ZNF311: variants seen among roughly 807,000 people sequenced by gnomAD.
ZNF311 encodes zinc finger protein 311.
Under a neutral mutation model 22.7 loss-of-function variants are expected in ZNF311, and 14 were observed. The observed-to-expected ratio is 0.62, with a 90% CI of 0.41 to 0.96. The LOEUF (loss-of-function observed/expected upper bound fraction) is 0.96. ZNF311 is among the 40% of genes least tolerant of loss of function. ZNF311 has a pLI of 0.00. For synonymous variants in ZNF311, 250 were observed against 275.3 expected (o/e 0.91, Z 0.91); for missense variants, 731 against 799.0 (o/e 0.91, Z 1.03).
At chr6:28,999,915 G>A in intron 4 of ZNF311, 41 bp downstream of exon 4, 1 of 1,581,074 alleles carries the variant, frequency 6.3e-7, no homozygotes, top group African/African-American at 1.3e-5. Context: ...TTTGGAGGTA[G>A]TGATGTATTT....
rs769685865 is a variant in ZNF311 at position 28,995,670 on chromosome 6, C to A, written c.1332G>T (p.Gly444=). The part of the protein sequence containing the change: ...KRIHTREKHY[G]CPQCGKDFSI... ...TGAAGTCTTTTCCACACTGGGGACACCCATAGTGTTTCTCCCGAGTATGGA... is the reference window on the plus strand; with the variant it reads ...TGAAGTCTTTTCCACACTGGGGACAACCATAGTGTTTCTCCCGAGTATGGA... Residue 444 remains glycine, a synonymous_variant, in exon 7 of 7, where the codon GGG becomes GGT. Coordinates refer to ENST00000377179, the MANE Select transcript of ZNF311 (RefSeq NM_001382360.1). This position sits in a 1 kb window ranked among gnomAD's most constrained non-coding sequence, Gnocchi z 4.7. The A allele has an allele frequency of 8.7e-6, 14 of 1,613,348 alleles. No individual in the cohort carries two copies. The highest frequency in any genetic ancestry group is 1.2e-5 in the Non-Finnish European group (14 of 1,180,026).
In ZNF311 at chr6:28,998,846, C is replaced by T. The variant is rs1780004361; in HGVS notation, c.311-8G>A. 2 of 1,604,338 alleles carry T rather than the reference C, an allele frequency of 1.2e-6. No individual in the cohort carries two copies. Among genetic ancestry groups the T allele is most frequent in the African/African-American group, 2.7e-5 (2 of 74,706 alleles). ...GTTTAGGAAATGGAAATCCTGGTTGCAGAGAAGAAATAAGTGTGTAGAGTA... is the reference window on the plus strand; with the variant it reads ...GTTTAGGAAATGGAAATCCTGGTTGTAGAGAAGAAATAAGTGTGTAGAGTA... On this transcript the variant is annotated splice_region_variant and splice_polypyrimidine_tract_variant and intron_variant, in intron 5 of 6. Transcript: ENST00000377179.
Position 29,004,074 on chromosome 6 carries a change from A to AAC in ZNF311, c.-122_-121dup, listed in dbSNP as rs1316370446. 1 of 1,606,608 alleles carries AAC rather than the reference A, an allele frequency of 6.2e-7. No individual in the cohort carries two copies. Among genetic ancestry groups the AAC allele is most frequent in the East Asian group, 2.2e-5 (1 of 44,866 alleles). ...CAGTTGATGCCAGCCTCCTTTGGAG[A>AAC]ACACATGTTTTGGTGGTGCCAGCCA... On this transcript the variant is annotated 5_prime_UTR_variant, in exon 2 of 7. It removes the in-frame stop codon of an upstream open reading frame in the 5' UTR. Transcript: ENST00000377179.
chr6:28,995,534 C>G lies in ZNF311; in HGVS notation c.1468G>C (p.Glu490Gln). Residue 490 changes from glutamate to glutamine, a missense_variant, in exon 7 of 7, where the codon GAA becomes CAA. Glu to Gln is a conservative substitution (Grantham distance 29). Transcript: ENST00000377179. This position sits in a 1 kb window ranked among gnomAD's most constrained non-coding sequence, Gnocchi z 4.7. ...FRHNCKRRAH[E>Q]REHTGEKPYQ... Reference sequence around the variant, plus strand: ...GGCTTCTCCCCTGTATGCTCTCGTTCATGAGCCCTGCGCTTACAGTTATGA... The same window carrying G: ...GGCTTCTCCCCTGTATGCTCTCGTTGATGAGCCCTGCGCTTACAGTTATGA... 6.2e-7 allele frequency: 1 copy of G among 1,613,706 alleles called. No individual in the cohort carries two copies. The highest frequency in any genetic ancestry group is 8.5e-7 in the Non-Finnish European group (1 of 1,179,988).
Position 28,995,722 on chromosome 6 carries a change from C to T in ZNF311, c.1280G>A (p.Ser427Asn), listed in dbSNP as rs1245084175. Residue 427 changes from serine to asparagine, a missense_variant, in exon 7 of 7, where the codon AGC becomes AAC. By Grantham distance (46) the Ser-to-Asn change is conservative. Transcript: ENST00000377179. The surrounding 1 kb of genome is among the most constrained non-coding windows in gnomAD (Gnocchi z 4.7). ...TCGTTTGTGTTTGCTTAGGTCTGAG[C>T]TCCGACTGAAGGCCCTTCCACACTT... ...CSKCGRAFSRSSDLSKHKRIH... is the reference protein window; with the variant it reads ...CSKCGRAFSRNSDLSKHKRIH... 1.2e-6 allele frequency: 2 copies of T among 1,613,734 alleles called. No homozygotes were observed. The highest frequency in any genetic ancestry group is 1.1e-5 in the South Asian group (1 of 91,074).
chr6:29,004,106 C>T lies in ZNF311; in HGVS notation c.-152G>A, dbSNP rs1780841023. ...GTTTTGGTGGTGCCAGCCAAAGGGC[C>T]CTTCTTGACCCACAGTGCCGCTACT... On this transcript the variant is annotated 5_prime_UTR_variant, in exon 2 of 7. Coordinates refer to ENST00000377179, the MANE Select transcript of ZNF311 (RefSeq NM_001382360.1). The T allele has an allele frequency of 6.4e-7, 1 of 1,567,768 alleles. No individual in the cohort carries two copies. The highest frequency in any genetic ancestry group is 1.4e-5 in the African/African-American group (1 of 73,940).
Position 28,995,012 on chromosome 6 carries a change from T to G in ZNF311, c.1990A>C (p.Thr664Pro). The G allele has an allele frequency of 6.2e-7, 1 of 1,606,210 alleles. No individual in the cohort carries two copies. Among genetic ancestry groups the G allele is most frequent in the African/African-American group, 1.3e-5 (1 of 74,804 alleles). The part of the protein sequence containing the change: ...VSQTSVVSIL[T>P]SA ...CAGAATCGTTATACTCAGGCACTGG[T>G]CAAAATACTGACTACTGAGGTCTGA... The change falls in exon 7 of 7, where the codon ACC (threonine) becomes CCC (proline). Residue 664 changes from threonine (T) to proline (P), a missense_variant. Physicochemically the swap from Thr to Pro is conservative, Grantham distance 38 (BLOSUM62 -1). Transcript: ENST00000377179. The surrounding 1 kb of genome is among the most constrained non-coding windows in gnomAD (Gnocchi z 4.7).
rs770308573 is a variant in ZNF311, at chr6:28,999,569, CCT to C, written c.226_227del (p.Arg76GlyfsTer14). ...FEDVAVNFTN[R>X]EWQCLTYAQR... ...GAGCGTAGGTCAGACACTGCCACTC[CCT>C]GTTAGTGAAGTTCACAGCTACATCC... is the stretch of plus-strand genomic sequence containing the variant. On this transcript the variant is annotated frameshift_variant, in exon 5 of 7. Coordinates refer to ENST00000377179, the MANE Select transcript of ZNF311 (RefSeq NM_001382360.1). LOFTEE classifies it high-confidence loss of function. The C allele has an allele frequency of 1.1e-5, 17 of 1,613,466 alleles. No homozygotes were observed. The highest frequency in any genetic ancestry group is 1.6e-4 in the Middle Eastern group (1 of 6,084).
At chr6:28,997,727 G>T (rs902265718) in intron 6 of ZNF311, among the ~76,000 whole-genome samples, 1 of 152,192 alleles carries the variant, frequency 6.6e-6, no homozygotes, top group Admixed American at 6.5e-5. Context: ...TGGCTCTAGA[G>T]TGAGACTGCC....
upstream of ZNF311, among the ~76,000 whole-genome samples, chr6:29,005,515 A>T (rs1781078788): frequency 6.6e-6 from 1 of 150,890 alleles, no homozygotes. Flanking sequence ...GCGGCACCGG[A>T]CTCCTCTCCT....
intron 5 of ZNF311, 59 bp from the exon 6 acceptor site, chr6:28,998,897 T>A: frequency 8.2e-7 from 1 of 1,217,878 alleles, no homozygotes; most frequent in East Asian, 2.4e-5. Flanking sequence ...ACTTATAACT[T>A]AGCTAAGCAG....
rs1424813411 is a variant in ZNF311, at chr6:28,995,916, G to C, written c.1086C>G (p.Asn362Lys). The C allele has an allele frequency of 6.2e-7, 1 of 1,613,756 alleles. No homozygotes were observed. The highest frequency in any genetic ancestry group is 8.5e-7 in the Non-Finnish European group (1 of 1,179,972). Residue 362 changes from asparagine to lysine, a missense_variant, in exon 7 of 7, where the codon AAC becomes AAG. Physicochemically the swap from Asn to Lys is moderately conservative, Grantham distance 94. Coordinates refer to ENST00000377179, the MANE Select transcript of ZNF311 (RefSeq NM_001382360.1). This position sits in a 1 kb window ranked among gnomAD's most constrained non-coding sequence, Gnocchi z 4.7. ...TAAACTGGAAGGCCTTCCCACAGCA[G>C]TTACATTTGTAAGGCTTCTCCCCGG... ...IHTGEKPYKC[N>K]CCGKAFQFKH...
At chr6:28,998,264 G>C (rs1202110589) in intron 6 of ZNF311, among the ~76,000 whole-genome samples, 3 of 151,606 alleles carry the variant, frequency 2.0e-5, no homozygotes, top group African/African-American at 7.3e-5. Context: ...TGTCTCCTGG[G>C]TTCAAATGAT....
intron 6 of ZNF311, 141 bp downstream of exon 6, chr6:28,998,593 T>C: frequency 1.7e-6 from 1 of 590,036 alleles, no homozygotes; most frequent in East Asian, 2.8e-5. Context: ...TTTGTCACTG[T>C]TTCAATTTTC....
In ZNF311 at chr6:29,003,614, G is replaced by A. The variant is rs770194340; in HGVS notation, c.10-20C>T. ...CACAACCTATTGCAAGACACAGAAT[G>A]AATTCAGGAAAGTTATGAAGGTGAG... On this transcript the variant is annotated intron_variant, in intron 2 of 6. Coordinates refer to ENST00000377179, the MANE Select transcript of ZNF311 (RefSeq NM_001382360.1). 2 of 1,612,482 alleles carry A rather than the reference G, an allele frequency of 1.2e-6. No individual in the cohort carries two copies. Among genetic ancestry groups the A allele is most frequent in the African/African-American group, 2.7e-5 (2 of 74,894 alleles).
intron 6 of ZNF311, among the ~76,000 whole-genome samples, chr6:28,996,997 C>T (rs1020084335): frequency 6.6e-6 from 1 of 151,632 alleles, no homozygotes; most frequent in African/African-American, 2.4e-5. Flanking sequence ...TGCTTTGCTC[C>T]CAAGGGTGGG....
intron 3 of ZNF311, among the ~76,000 whole-genome samples, chr6:29,003,138 T>C (rs1780683838): frequency 6.6e-6 from 1 of 152,222 alleles, no homozygotes; most frequent in South Asian, 2.1e-4. Flanking sequence ...GGCAAAATTA[T>C]GTTTGGGTAG....
chr6:28,995,614 C>T lies in ZNF311; in HGVS notation c.1388G>A (p.Arg463Lys), dbSNP rs1554209162. The T allele has an allele frequency of 6.2e-7, 1 of 1,613,260 alleles. No homozygotes were observed. Among genetic ancestry groups the T allele is most frequent in the Non-Finnish European group, 8.5e-7 (1 of 1,179,936 alleles). Reference sequence around the variant, plus strand: ...GTAACGTTTCTCTTCAGTGTGGATCCTTCTGTGTTTGGTGAGTTCTGCCTT... The same window carrying T: ...GTAACGTTTCTCTTCAGTGTGGATCTTTCTGTGTTTGGTGAGTTCTGCCTT... ...SIKAELTKHR[R>K]IHTEEKRYRC... The change falls in exon 7 of 7, where the codon AGG becomes AAG. Residue 463 changes from arginine (R) to lysine (K), a missense_variant. Arg to Lys is a conservative substitution (Grantham distance 26). Coordinates refer to ENST00000377179, the MANE Select transcript of ZNF311 (RefSeq NM_001382360.1). The surrounding 1 kb of genome is among the most constrained non-coding windows in gnomAD (Gnocchi z 4.7).
In ZNF311 at chr6:28,999,576, G is replaced by C. The variant is rs1562335884; in HGVS notation, c.221C>G (p.Thr74Ser). The C allele has an allele frequency of 1.2e-6, 2 of 1,613,666 alleles. No individual in the cohort carries two copies. Among genetic ancestry groups the C allele is most frequent in the East Asian group, 2.2e-5 (1 of 44,878 alleles). The change falls in exon 5 of 7, where the codon ACT becomes AGT. Residue 74 changes from threonine to serine, a missense_variant. Coordinates refer to ENST00000377179, the MANE Select transcript of ZNF311 (RefSeq NM_001382360.1). ...VTFEDVAVNF[T>S]NREWQCLTYA... Reference sequence around the variant, plus strand: ...GGTCAGACACTGCCACTCCCTGTTAGTGAAGTTCACAGCTACATCCTCAAA... The same window carrying C: ...GGTCAGACACTGCCACTCCCTGTTACTGAAGTTCACAGCTACATCCTCAAA...
Sources: gnomAD v4.1 joint callset for allele counts (sites outside exome capture counted in the v4.1 genomes callset) on GRCh38, gnomAD v4.1.1 for gene constraint, Gnocchi (gnomAD v3.1) non-coding constraint, MANE v1.5 for transcripts, NCBI Gene and HGNC (gene_info 2026-07-23, HGNC 2026-07-21) for gene names.